KCNH7: variants seen among roughly 807,000 people sequenced by gnomAD.
KCNH7 encodes voltage-gated inwardly rectifying potassium channel KCNH7.
In KCNH7, 49 loss-of-function variants were observed where a neutral mutation model predicts 120.8. The ratio of observed to expected loss-of-function variants is 0.41; its 90% CI spans 0.32 to 0.51. The LOEUF (loss-of-function observed/expected upper bound fraction) is 0.51. KCNH7 is among the 20% of genes least tolerant of loss of function. The pLI is 0.38. For missense variants in KCNH7, 1,097 were observed against 1,446.6 expected (o/e 0.76, Z 3.92); for synonymous variants, 547 against 516.1 (o/e 1.06, Z -0.81).
Position 162,371,519 on chromosome 2 carries a change from T to G in KCNH7, c.*310A>C. On this transcript the variant is annotated 3_prime_UTR_variant, in exon 16 of 16. Transcript: ENST00000332142. ...CGAAGTACTGGTTTAGTAAAAGCAG[T>G]AAATAGGAGTCTCCATGCAAGAGAA... The G allele has an allele frequency of 8.8e-7, 1 of 1,130,664 alleles. No individual in the cohort carries two copies. Among genetic ancestry groups the G allele is most frequent in the East Asian group, 5.0e-5 (1 of 19,962 alleles). The allele number at this position is 1,130,664 out of a possible 1,614,324, so 70.0% of individuals were successfully genotyped here. A position where few individuals can be genotyped will look rare whatever the true frequency, so the allele number is the denominator to read the frequency against.
intron 2 of KCNH7, among the ~76,000 whole-genome samples, chr2:162,775,327 A>G (rs1053417269): frequency 6.6e-5 from 10 of 152,164 alleles, no homozygotes; most frequent in African/African-American, 2.4e-4. Flanking sequence ...AATTTTAGAA[A>G]TTACACTGCC....
intron 2 of KCNH7, among the ~76,000 whole-genome samples, chr2:162,775,080 A>T (rs893521858): frequency 6.6e-6 from 1 of 152,160 alleles, no homozygotes; most frequent in South Asian, 2.1e-4. Context: ...GGAGTGAATG[A>T]ACATTCGAAA....
chr2:162,535,877 T>C (rs959281674), intron 3 of KCNH7, among the ~76,000 whole-genome samples: 78 of 151,944 alleles, frequency 5.1e-4, no homozygotes, highest in African/African-American at 1.8e-3. Flanking sequence ...TATGGAAGTT[T>C]AGTGTGTAAT....
intron 13 of KCNH7, among the ~76,000 whole-genome samples, 175 bp downstream of exon 13, chr2:162,384,513 T>A (rs1285886315): frequency 6.6e-6 from 1 of 151,954 alleles, no homozygotes; most frequent in Non-Finnish European, 1.5e-5. Flanking sequence ...TACCACTTGT[T>A]TTAGAATAGT....
intron 2 of KCNH7, among the ~76,000 whole-genome samples, chr2:162,643,089 A>T (rs1684223075): frequency 2.0e-5 from 3 of 152,210 alleles, no homozygotes; most frequent in Admixed American, 2.0e-4. Context: ...AGAAATCCAG[A>T]CTTAATAGAA....
intron 7 of KCNH7, among the ~76,000 whole-genome samples, chr2:162,444,411 C>A (rs997863520): frequency 6.6e-6 from 1 of 152,094 alleles, no homozygotes; most frequent in African/African-American, 2.4e-5. Context: ...TTTCAACAGT[C>A]TCATTCTGTA....
rs1425155470 is a variant in KCNH7 at position 162,371,650 on chromosome 2, A to C, written c.*179T>G. ...TTTGGAACCAAAAGTTCTTATGTAT[A>C]TTTACATCCTAACTGCTCAGTTTTA... On this transcript the variant is annotated 3_prime_UTR_variant, in exon 16 of 16. Transcript: ENST00000332142. The C allele has an allele frequency of 2.9e-5, 23 of 779,682 alleles. No homozygotes were observed. The highest frequency in any genetic ancestry group is 4.7e-5 in the South Asian group (2 of 42,932). The allele number at this position is 779,682 out of a possible 1,614,324, so 48.3% of individuals were successfully genotyped here. A position where few individuals can be genotyped will look rare whatever the true frequency, so the allele number is the denominator to read the frequency against.
At chr2:162,381,527 C>G (rs1010855761) in intron 13 of KCNH7, among the ~76,000 whole-genome samples, 6 of 152,022 alleles carry the variant, frequency 3.9e-5, no homozygotes, top group Non-Finnish European at 5.9e-5. Flanking sequence ...AGAAATTTCT[C>G]AAATGAGGTG....
Position 162,734,491 on chromosome 2 carries a change from C to T in KCNH7, c.307+102046G>A, listed in dbSNP as rs549033066. ...CAGCTCTCACTTTTTGTCGATATTG[C>T]GTTTTTCCTGCCCATATATGATGGG... On this transcript the variant is annotated intron_variant, in intron 2 of 15. Coordinates refer to ENST00000332142, the MANE Select transcript of KCNH7 (RefSeq NM_033272.4). Among the ~76,000 whole-genome samples, 6 of 152,198 alleles carry T rather than the reference C, an allele frequency of 3.9e-5. No individual in the cohort carries two copies. In the South Asian group the frequency reaches 8.3e-4, roughly 21 times the overall value.
intron 2 of KCNH7, among the ~76,000 whole-genome samples, chr2:162,542,409 C>A (rs1472801109): frequency 8.7e-6 from 1 of 115,000 alleles, no homozygotes; most frequent in Non-Finnish European, 1.7e-5. Flanking sequence ...CCTCCCCCCA[C>A]CCCACAACAG....
At chr2:162,573,821 T>C (rs1391355648) in intron 2 of KCNH7, among the ~76,000 whole-genome samples, 2 of 152,044 alleles carry the variant, frequency 1.3e-5, no homozygotes, top group Admixed American at 6.6e-5. Flanking sequence ...AGGGAGCTTC[T>C]AATTTTCAAC....
At chr2:162,499,489 T>A (rs1690605815) in intron 6 of KCNH7, among the ~76,000 whole-genome samples, 1 of 152,120 alleles carries the variant, frequency 6.6e-6, no homozygotes. Context: ...CTTCTGAGAA[T>A]TATTTTCTCT....
intron 6 of KCNH7, among the ~76,000 whole-genome samples, chr2:162,451,158 T>C (rs1463067861): frequency 6.6e-6 from 1 of 152,016 alleles, no homozygotes; most frequent in Non-Finnish European, 1.5e-5. Context: ...AAAAATTGTG[T>C]AATGTAGATA....
At chr2:162,424,041 TA>T (rs1441086696) in intron 8 of KCNH7, among the ~76,000 whole-genome samples, 1 of 152,202 alleles carries the variant, frequency 6.6e-6, no homozygotes, top group African/African-American at 2.4e-5. Context: ...AATTTGAGAT[TA>T]TTTTGAATAC....
At chr2:162,738,024 A>G (rs1192901252) in intron 2 of KCNH7, among the ~76,000 whole-genome samples, 3 of 143,262 alleles carry the variant, frequency 2.1e-5, no homozygotes, top group African/African-American at 5.3e-5. Context: ...AGATCACACC[A>G]CTGCACTCCA....
intron 2 of KCNH7, among the ~76,000 whole-genome samples, chr2:162,793,955 G>A (rs1431117245): frequency 6.6e-6 from 1 of 151,898 alleles, no homozygotes; most frequent in African/African-American, 2.4e-5. Flanking sequence ...CACAAAAAAA[G>A]GTAACTATGT....
At chr2:162,528,977 A>G (rs1464671696) in intron 3 of KCNH7, among the ~76,000 whole-genome samples, 2 of 151,952 alleles carry the variant, frequency 1.3e-5, no homozygotes, top group Admixed American at 1.3e-4. Flanking sequence ...GCTTTGGATA[A>G]TGACTATTCA....
chr2:162,641,712 T>A (rs1160114252), intron 2 of KCNH7, among the ~76,000 whole-genome samples: 1 of 147,296 alleles, frequency 6.8e-6, no homozygotes, highest in African/African-American at 2.6e-5. Context: ...ATGTTTTGTA[T>A]CTTGATTACA....
chr2:162,820,090 A>T (rs1013732468), intron 2 of KCNH7, among the ~76,000 whole-genome samples: 1 of 122,130 alleles, frequency 8.2e-6, no homozygotes, highest in South Asian at 2.7e-4. Context: ...CCCAGGCTGG[A>T]GTGCAGTGGC....
Sources: gnomAD v4.1 joint callset for allele counts (sites outside exome capture counted in the v4.1 genomes callset) on GRCh38, gnomAD v4.1.1 for gene constraint, MANE v1.5 for transcripts, NCBI Gene and HGNC (gene_info 2026-07-23, HGNC 2026-07-21) for gene names.